Variants in SMYD3 observed in about 807,000 individuals in gnomAD.
SMYD3 encodes the protein SET and MYND domain containing 3, also known as histone-lysine N-methyltransferase SMYD3.
SMYD3 carries 36 observed loss-of-function variants against 57.7 expected under a neutral mutation model. The ratio of observed to expected loss-of-function variants is 0.62; its 90% confidence interval spans 0.48 to 0.82. SMYD3 has a LOEUF of 0.82. SMYD3 is among the 40% of genes least tolerant of loss of function. The probability of loss-of-function intolerance (pLI) is 0.00; values close to 1 mark genes in which losing one functional copy is unlikely to be tolerated. For synonymous variants in SMYD3, 211 were observed against 195.0 expected, an observed-to-expected ratio of 1.08 and a Z score of -0.68; for missense variants, 515 against 538.8, an observed-to-expected ratio of 0.96 and a Z score of 0.44.
chr1:245,773,382 C>G (rs1037355045), intron 10 of SMYD3, among the ~76,000 whole-genome samples: 5 of 152,202 alleles, frequency 3.3e-5, no homozygotes, highest in African/African-American at 1.2e-4. Context: ...CTGAGAAACT[C>G]TTGCCTATAT....
chr1:246,042,026 A>G (rs1162210016), intron 5 of SMYD3, among the ~76,000 whole-genome samples: 1 of 152,184 alleles, frequency 6.6e-6, no homozygotes, highest in African/African-American at 2.4e-5. Flanking sequence ...AAGATTAAGC[A>G]ATTTGTTCAA....
intron 5 of SMYD3, among the ~76,000 whole-genome samples, chr1:246,176,046 C>T (rs2062428898): frequency 6.6e-6 from 1 of 152,130 alleles, no homozygotes; most frequent in African/African-American, 2.4e-5. Context: ...ATAATGGAAA[C>T]CAAGTGTTTT....
intron 1 of SMYD3, among the ~76,000 whole-genome samples, chr1:246,368,476 GAA>G (rs1164563417): frequency 6.6e-6 from 1 of 152,048 alleles, no homozygotes; most frequent in Admixed American, 6.5e-5. Flanking sequence ...TTCCTATAGA[GAA>G]AAAAATTCAT....
chr1:245,946,013 T>G (rs935335064), intron 5 of SMYD3, among the ~76,000 whole-genome samples: 1 of 152,088 alleles, frequency 6.6e-6, no homozygotes, highest in African/African-American at 2.4e-5. Flanking sequence ...CACGCTGGGA[T>G]TAGATTAATA....
intron 5 of SMYD3, among the ~76,000 whole-genome samples, chr1:246,178,608 G>A (rs6662711): frequency 3.3e-5 from 5 of 152,132 alleles, no homozygotes; most frequent in African/African-American, 9.7e-5. Flanking sequence ...CATAAAAACA[G>A]GCACACCCAC....
intron 5 of SMYD3, among the ~76,000 whole-genome samples, chr1:246,225,220 A>G (rs2063310239): frequency 6.6e-6 from 1 of 151,004 alleles, no homozygotes; most frequent in Non-Finnish European, 1.5e-5. Flanking sequence ...AGCCGTCAAA[A>G]GATGTTGAAA....
At chr1:246,440,880 T>G (rs964203706) in intron 1 of SMYD3, among the ~76,000 whole-genome samples, 2 of 152,150 alleles carry the variant, frequency 1.3e-5, no homozygotes, top group African/African-American at 4.8e-5. Context: ...CTTTTGTATT[T>G]TCCTAAGAGG....
At chr1:246,326,425 G>A (rs1018709749) in intron 5 of SMYD3, 29 of 679,996 alleles carry the variant, frequency 4.3e-5, no homozygotes, top group Admixed American at 7.0e-5. Context: ...ATCAATCATC[G>A]CACTCTTCCT....
intron 5 of SMYD3, among the ~76,000 whole-genome samples, chr1:246,188,517 T>C (rs886126339): frequency 6.6e-6 from 1 of 152,206 alleles, no homozygotes; most frequent in Non-Finnish European, 1.5e-5. Context: ...TGACCACTAT[T>C]TCCAAAAGAT....
chr1:246,349,831 C>T (rs955540878), intron 2 of SMYD3, among the ~76,000 whole-genome samples: 3 of 151,950 alleles, frequency 2.0e-5, no homozygotes, highest in Non-Finnish European at 4.4e-5. Context: ...CAACTGAAAC[C>T]ACAAAAGGCA....
chr1:245,842,560 G>GATA (rs1387919556), intron 10 of SMYD3, among the ~76,000 whole-genome samples: 1 of 152,124 alleles, frequency 6.6e-6, no homozygotes, highest in Non-Finnish European at 1.5e-5. Context: ...AGCCGACTTT[G>GATA]ATAATAATAA....
intron 5 of SMYD3, among the ~76,000 whole-genome samples, chr1:246,156,612 T>C (rs955951943): frequency 2.0e-5 from 3 of 152,200 alleles, no homozygotes; most frequent in Non-Finnish European, 4.4e-5. Context: ...TAAAACCAAA[T>C]AGGACTCAGT....
intron 5 of SMYD3, among the ~76,000 whole-genome samples, chr1:246,128,951 ACAC>A (rs1436929878): frequency 2.0e-5 from 3 of 151,896 alleles, no homozygotes; most frequent in Non-Finnish European, 4.4e-5. Flanking sequence ...CTACAAGCAC[ACAC>A]CACCACACCC....
At chr1:246,220,921 CAG>C (rs1558325789) in intron 5 of SMYD3, among the ~76,000 whole-genome samples, 1 of 152,028 alleles carries the variant, frequency 6.6e-6, no homozygotes, top group Admixed American at 6.5e-5. Context: ...CTGAGAGCTG[CAG>C]AGATGGTACT....
chr1:246,189,043 T>C (rs1171076231), intron 5 of SMYD3: 1 of 152,204 alleles, frequency 6.6e-6, no homozygotes, highest in Non-Finnish European at 1.5e-5. Context: ...CAAATTTGCA[T>C]GTCACCCTTG....
chr1:246,188,465 T>C (rs942763616), intron 5 of SMYD3, among the ~76,000 whole-genome samples: 5 of 152,192 alleles, frequency 3.3e-5, no homozygotes, highest in Admixed American at 6.5e-5. Flanking sequence ...CCATTTTAAG[T>C]GTACACTTCA....
At position 246,261,215 on chromosome 1, in the gene SMYD3, C is replaced by T. The variant is rs187021458; in HGVS notation, c.531+65986G>A. 3.9e-5 allele frequency among the ~76,000 whole-genome samples: 6 copies of T among 152,150 alleles called. No individual in the cohort carries two copies. In the East Asian group the frequency reaches 9.7e-4, roughly 25 times the overall value. On this transcript the variant is annotated intron_variant, in intron 5 of 11. Coordinates refer to ENST00000490107, the MANE Select transcript of SMYD3 (RefSeq NM_001167740.2). ...CTGGGACTACAGGCGCCCGCCACCA[C>T]GCCTGGCTAATTTTTTGTATTTTTA... is the stretch of plus-strand genomic sequence containing the variant.
chr1:245,970,114 G>A (rs61839381), intron 5 of SMYD3, among the ~76,000 whole-genome samples: 43,095 of 151,978 alleles, frequency 0.28, 6,737 homozygotes, highest in East Asian at 0.62. Context: ...CAAAACAGAC[G>A]TATAGACGAA....
intron 1 of SMYD3, among the ~76,000 whole-genome samples, chr1:246,370,585 T>C (rs895110879): frequency 6.6e-6 from 1 of 152,174 alleles, no homozygotes; most frequent in East Asian, 1.9e-4. Context: ...TATGAGATAA[T>C]CTATATGGAG....
Sources: gnomAD v4.1 joint callset for allele counts (sites outside exome capture counted in the v4.1 genomes callset) on GRCh38, gnomAD v4.1.1 for gene constraint, MANE v1.5 for transcripts, NCBI Gene and HGNC (gene_info 2026-07-23, HGNC 2026-07-21) for gene names.